ADAMTS12: variants seen among roughly 807,000 people sequenced by gnomAD.
ADAMTS12 encodes the protein ADAM metallopeptidase with thrombospondin type 1 motif 12.
A neutral mutation model predicts 167.8 loss-of-function variants in ADAMTS12; 118 were observed. The observed-to-expected ratio is 0.70, with a 90% CI of 0.61 to 0.82. The LOEUF is 0.82. ADAMTS12 is among the 40% of genes least tolerant of loss of function. The probability of loss-of-function intolerance (pLI) is 0.00; values close to 1 mark genes in which losing one functional copy is unlikely to be tolerated. For missense variants in ADAMTS12, 1,916 were observed against 1,998.8 expected (o/e 0.96, Z 0.79); for synonymous variants, 704 against 716.9 (o/e 0.98, Z 0.29).
At position 33,561,087 on chromosome 5, in the gene ADAMTS12, G is replaced by T. The variant is rs772130306; in HGVS notation, c.4065C>A (p.Asp1355Glu). 1 of 1,614,128 alleles carries T rather than the reference G, an allele frequency of 6.2e-7. No individual in the cohort carries two copies. Residue 1355 changes from aspartate to glutamate, a missense_variant, in exon 20 of 24, where the codon GAC (aspartate) becomes GAA (glutamate). Coordinates refer to ENST00000504830, the MANE Select transcript of ADAMTS12 (RefSeq NM_030955.4). ...GACGGAGGTGGCATCTTTTTGCAGGGTCAGGTCTCTGGATGGCCGCACAGT... is the reference window on the plus strand; with the variant it reads ...GACGGAGGTGGCATCTTTTTGCAGGTTCAGGTCTCTGGATGGCCGCACAGT... Reference protein sequence around the residue: ...DSDCAAIQRPDPAKRCHLRPC... With the variant: ...DSDCAAIQRPEPAKRCHLRPC...
rs1739892201 is a variant in ADAMTS12 at position 33,630,861 on chromosome 5, T to C, written c.1941A>G (p.Lys647=). Reference sequence around the variant, plus strand: ...TACCATCAATGACAGCATCCAGCATTTTCTCAGAAAACTGGCCATCTATGG... The same window carrying C: ...TACCATCAATGACAGCATCCAGCATCTTCTCAGAAAACTGGCCATCTATGG... ...CRPIDGQFSE[K]MLDAVIDGTP... The change falls in exon 13 of 24, where the codon AAA becomes AAG. Residue 647 remains lysine (K), a synonymous_variant. Transcript: ENST00000504830. 6.2e-7 allele frequency: 1 copy of C among 1,613,602 alleles called. No individual in the cohort carries two copies. The highest frequency in any genetic ancestry group is 1.7e-5 in the Admixed American group (1 of 59,990).
At chr5:33,728,117 G>A (rs1167172703) in intron 3 of ADAMTS12, among the ~76,000 whole-genome samples, 1 of 152,136 alleles carries the variant, frequency 6.6e-6, no homozygotes, top group Non-Finnish European at 1.5e-5. Flanking sequence ...ATGACTGTTG[G>A]ACATCCTCAT....
intron 22 of ADAMTS12, among the ~76,000 whole-genome samples, chr5:33,538,995 G>A (rs1308542570): frequency 1.3e-5 from 2 of 152,170 alleles, no homozygotes; most frequent in Non-Finnish European, 2.9e-5. Context: ...AGGCTGGAGT[G>A]CAGTGGTACA....
intron 5 of ADAMTS12, among the ~76,000 whole-genome samples, chr5:33,681,970 T>C (rs1742136594): frequency 6.6e-6 from 1 of 152,248 alleles, no homozygotes; most frequent in Admixed American, 6.5e-5. Context: ...AGTGCAGCAC[T>C]TCAGTTTGTA....
intron 22 of ADAMTS12, among the ~76,000 whole-genome samples, chr5:33,540,112 C>A (rs1329778142): frequency 6.6e-6 from 1 of 152,264 alleles, no homozygotes; most frequent in South Asian, 2.1e-4. Flanking sequence ...TCAAATACTG[C>A]ACTTTTCCCA....
intron 11 of ADAMTS12, 45 bp downstream of exon 11, chr5:33,641,765 C>T (rs1304565720): frequency 1.3e-6 from 2 of 1,506,978 alleles, no homozygotes; most frequent in Non-Finnish European, 1.8e-6. Flanking sequence ...CCATCCCGCC[C>T]CCAGCACATG....
intron 16 of ADAMTS12, among the ~76,000 whole-genome samples, chr5:33,612,924 C>A (rs537606831): frequency 9.9e-5 from 15 of 152,284 alleles, no homozygotes; most frequent in African/African-American, 3.6e-4. Flanking sequence ...CTTATGAATT[C>A]TAAAAGCTAA....
intron 13 of ADAMTS12, among the ~76,000 whole-genome samples, chr5:33,628,672 C>T (rs1739775215): frequency 6.6e-6 from 1 of 151,924 alleles, no homozygotes; most frequent in African/African-American, 2.4e-5. Flanking sequence ...ATGCTCAATC[C>T]CCTTTGAAAA....
chr5:33,871,588 A>T (rs1750038964), intron 2 of ADAMTS12, among the ~76,000 whole-genome samples: 1 of 151,922 alleles, frequency 6.6e-6, no homozygotes, highest in African/African-American at 2.4e-5. Context: ...GGTAACTAGA[A>T]AAAAAAAGAG....
At position 33,524,980 on chromosome 5, in the gene ADAMTS12, G is replaced by A. The variant is rs1312311385; in HGVS notation, c.*2208C>T. ...ATTTGGCCTAGTTTAGTTGGTTGAG[G>A]TCAGTAGGAATCTGAGTTTGTTCCT... is the stretch of plus-strand genomic sequence containing the variant. On this transcript the variant is annotated 3_prime_UTR_variant, in exon 24 of 24. Coordinates refer to ENST00000504830, the MANE Select transcript of ADAMTS12 (RefSeq NM_030955.4). The A allele has an allele frequency of 6.6e-6, 1 of 152,204 alleles. No individual in the cohort carries two copies. The highest frequency in any genetic ancestry group is 6.5e-5 in the Admixed American group (1 of 15,278). The allele number at this position is 152,204 out of a possible 1,614,324, so 9.4% of individuals were successfully genotyped here.
At chr5:33,698,308 G>A (rs1223112681) in intron 3 of ADAMTS12, among the ~76,000 whole-genome samples, 1 of 152,180 alleles carries the variant, frequency 6.6e-6, no homozygotes, top group Non-Finnish European at 1.5e-5. Context: ...AATCCAGGAA[G>A]CCTGCAAAAG....
chr5:33,612,739 C>A (rs1343927294), intron 16 of ADAMTS12, among the ~76,000 whole-genome samples: 1 of 152,124 alleles, frequency 6.6e-6, no homozygotes, highest in Non-Finnish European at 1.5e-5. Flanking sequence ...CAGTCCCCGA[C>A]CCTGAGCAGT....
At chr5:33,688,888 G>T (rs1242840856) in intron 3 of ADAMTS12, among the ~76,000 whole-genome samples, 1 of 152,094 alleles carries the variant, frequency 6.6e-6, no homozygotes, top group Non-Finnish European at 1.5e-5. Context: ...GCCCACGCAG[G>T]TTGACCACTA....
chr5:33,608,830 G>A (rs761770451), intron 16 of ADAMTS12, among the ~76,000 whole-genome samples: 68 of 152,138 alleles, frequency 4.5e-4, no homozygotes, highest in Non-Finnish European at 6.5e-4. Context: ...GATAAGCCTC[G>A]GATCTGATGG....
Position 33,561,119 on chromosome 5 carries a change from C to T in ADAMTS12, c.4033G>A (p.Asp1345Asn). The T allele has an allele frequency of 6.2e-7, 1 of 1,614,158 alleles. No individual in the cohort carries two copies. The highest frequency in any genetic ancestry group is 8.5e-7 in the Non-Finnish European group (1 of 1,180,022). ...CTCTGGATGGCCGCACAGTCAGAATCCATCTGGGTGCTGCACTCCACCCTT... is the reference window on the plus strand; with the variant it reads ...CTCTGGATGGCCGCACAGTCAGAATTCATCTGGGTGCTGCACTCCACCCTT... ...WRRVECSTQMDSDCAAIQRPD... is the reference protein window; with the variant it reads ...WRRVECSTQMNSDCAAIQRPD... Residue 1345 changes from aspartate to asparagine, a missense_variant, in exon 20 of 24, where the codon GAT becomes AAT. Physicochemically the swap from Asp to Asn is conservative, Grantham distance 23. Transcript: ENST00000504830.
intron 5 of ADAMTS12, among the ~76,000 whole-genome samples, chr5:33,668,139 C>T (rs1741537830): frequency 6.6e-6 from 1 of 152,142 alleles, no homozygotes. Flanking sequence ...ATGAATACAC[C>T]TAACCTACCG....
At chr5:33,703,446 A>C (rs898949025) in intron 3 of ADAMTS12, among the ~76,000 whole-genome samples, 1 of 152,178 alleles carries the variant, frequency 6.6e-6, no homozygotes. Flanking sequence ...AAAATGTTTA[A>C]GTATATAATA....
At chr5:33,760,007 G>A (rs568339603) in intron 2 of ADAMTS12, among the ~76,000 whole-genome samples, 7 of 152,146 alleles carry the variant, frequency 4.6e-5, no homozygotes, top group African/African-American at 9.7e-5. Context: ...TTAAAAATGC[G>A]TATGCCCAGG....
Position 33,561,141 on chromosome 5 carries a change from C to T in ADAMTS12, c.4011G>A (p.Arg1337=), listed in dbSNP as rs1745731088. 2 of 1,614,018 alleles carry T rather than the reference C, an allele frequency of 1.2e-6. No individual in the cohort carries two copies. Among genetic ancestry groups the T allele is most frequent in the Admixed American group, 1.7e-5 (1 of 60,010 alleles). Residue 1337 remains arginine (R), a synonymous_variant, in exon 20 of 24, where the codon AGG becomes AGA. Coordinates refer to ENST00000504830, the MANE Select transcript of ADAMTS12 (RefSeq NM_030955.4). ...TTCGLGAYWR[R]VECSTQMDSD... is the part of the protein sequence containing the mutation. The stretch of plus-strand genomic sequence containing the variant: ...AATCCATCTGGGTGCTGCACTCCAC[C>T]CTTCTCCAGTAGGCCCCCAGGCCAC...
Sources: allele counts gnomAD v4.1 joint callset (sites outside exome capture counted in the v4.1 genomes callset), GRCh38; gene constraint gnomAD v4.1.1; transcripts MANE v1.5; gene names NCBI Gene and HGNC (gene_info 2026-07-23, HGNC 2026-07-21).